LHX2: variants seen among roughly 807,000 people sequenced by gnomAD.
LHX2 encodes LIM homeobox 2.
Under a neutral mutation model 33.0 loss-of-function variants are expected in LHX2, and 6 were observed. The observed-to-expected ratio is 0.18, with a 90% CI of 0.10 to 0.36. The LOEUF is 0.36. Among genes scored for constraint, LHX2 ranks in the 10% least tolerant of loss-of-function variants. The pLI is 1.00. For missense variants in LHX2, 442 were observed against 586.2 expected (o/e 0.75, Z 2.54); for synonymous variants, 292 against 253.1 (o/e 1.15, Z -1.46).
At chr9:124,022,132 G>A (rs893414671) in intron 4 of LHX2, among the ~76,000 whole-genome samples, 5 of 152,182 alleles carry the variant, frequency 3.3e-5, no homozygotes, top group South Asian at 2.1e-4. Context: ...TGGCAGAGTC[G>A]TGGGCCACAT....
At chr9:124,025,493 C>A (rs1004421145) in intron 4 of LHX2, among the ~76,000 whole-genome samples, 1 of 151,076 alleles carries the variant, frequency 6.6e-6, no homozygotes, top group Non-Finnish European at 1.5e-5. Flanking sequence ...GCATGGAGAC[C>A]ATTTCTCACC....
chr9:124,023,021 C>T (rs960862826), intron 4 of LHX2, among the ~76,000 whole-genome samples: 2 of 152,242 alleles, frequency 1.3e-5, no homozygotes, highest in African/African-American at 4.8e-5. Flanking sequence ...CGTGACTACA[C>T]TGGCTGGGGT....
At position 124,015,260 on chromosome 9, in the gene LHX2, C is replaced by G; in HGVS notation, c.462C>G (p.Asp154Glu). 1.9e-6 allele frequency: 3 copies of G among 1,614,158 alleles called. No individual in the cohort carries two copies. Among genetic ancestry groups the G allele is most frequent in the Non-Finnish European group, 2.5e-6 (3 of 1,180,046 alleles). ...TTCNKMLTTG[D>E]HFGMKDSLVY... ...GTAACAAGATGCTGACCACGGGCGA[C>G]CACTTCGGCATGAAGGACAGCCTGG... is the stretch of plus-strand genomic sequence containing the variant. The change falls in exon 3 of 5, where the codon GAC becomes GAG. Residue 154 changes from aspartate to glutamate, a missense_variant. Physicochemically the swap from Asp to Glu is conservative, Grantham distance 45. Transcript: ENST00000373615. This position sits in a 1 kb window ranked among gnomAD's most constrained non-coding sequence, Gnocchi z 7.9.
At position 124,032,706 on chromosome 9, in the gene LHX2, A is replaced by G; in HGVS notation, c.1220A>G (p.Ter407=). Residue 407 remains the stop codon, a stop_retained_variant, in exon 5 of 5, where the codon TAA becomes TGA. Coordinates refer to ENST00000373615, the MANE Select transcript of LHX2 (RefSeq NM_004789.4). The surrounding 1 kb of genome is among the most constrained non-coding windows in gnomAD (Gnocchi z 4.1). ...CAAACGACTCTTACCAACCTTTTCT[A>G]ATGACTCGCAACCCCTCACCCCACA... is the stretch of plus-strand genomic sequence containing the variant. ...PSQTTLTNLF[*] 6.3e-7 allele frequency: 1 copy of G among 1,575,524 alleles called. No homozygotes were observed. Among genetic ancestry groups the G allele is most frequent in the Non-Finnish European group, 8.7e-7 (1 of 1,153,940 alleles).
Position 124,012,535 on chromosome 9 carries a change from T to C in LHX2, c.120+67T>C, listed in dbSNP as rs1201807154. On this transcript the variant is annotated intron_variant, in intron 1 of 4. Transcript: ENST00000373615. This position sits in a 1 kb window ranked among gnomAD's most constrained non-coding sequence, Gnocchi z 4.3. ...GGGCCGGGCCAGTCAGCGCCTCTGC[T>C]CCCCGAAGTTTGGGGAGCGTCCTTC... 7.1e-6 allele frequency: 10 copies of C among 1,404,612 alleles called. No individual in the cohort carries two copies. The African/African-American group carries it at 1.5e-4, about 21-fold the overall frequency. The allele number at this position is 1,404,612 out of a possible 1,614,324, so 87.0% of individuals were successfully genotyped here. A position where few individuals can be genotyped will look rare whatever the true frequency, so the allele number is the denominator to read the frequency against.
At chr9:124,018,925 C>T (rs919738235) in intron 3 of LHX2, among the ~76,000 whole-genome samples, 52 of 152,210 alleles carry the variant, frequency 3.4e-4, no homozygotes, top group African/African-American at 1.2e-3. Context: ...CCCTTGGGCC[C>T]ATGGGGGCGC....
intron 1 of LHX2, among the ~76,000 whole-genome samples, chr9:124,013,006 C>G (rs1859120282): frequency 6.6e-6 from 1 of 152,270 alleles, no homozygotes; most frequent in Non-Finnish European, 1.5e-5. Context: ...CTTGACTGGT[C>G]AGACTTAGCC....
intron 4 of LHX2, among the ~76,000 whole-genome samples, chr9:124,022,187 C>T (rs1859304745): frequency 6.6e-6 from 1 of 152,124 alleles, no homozygotes; most frequent in African/African-American, 2.4e-5. Flanking sequence ...GGGTCTTAGG[C>T]AAGTCACTTG....
intron 4 of LHX2, among the ~76,000 whole-genome samples, chr9:124,024,495 A>G (rs886603592): frequency 3.3e-5 from 5 of 152,226 alleles, no homozygotes; most frequent in Admixed American, 3.3e-4. Flanking sequence ...TGTCTGACTT[A>G]CCAGCAGTGA....
chr9:124,013,880 T>A (rs1859135823), intron 1 of LHX2, 81 bp from the exon 2 acceptor site: 2 of 1,330,276 alleles, frequency 1.5e-6, no homozygotes, highest in Non-Finnish European at 2.1e-6. Flanking sequence ...ACAGAGGGAG[T>A]TGTGGGTGCC....
chr9:124,017,907 C>G (rs1432372311), intron 3 of LHX2, among the ~76,000 whole-genome samples: 2 of 151,904 alleles, frequency 1.3e-5, no homozygotes, highest in Non-Finnish European at 1.5e-5. Flanking sequence ...GGGCTGCCAG[C>G]GGGCTGGGGG....
In LHX2 at chr9:124,014,169, C is replaced by G; in HGVS notation, c.323+6C>G. On this transcript the variant is annotated splice_donor_region_variant and intron_variant, in intron 2 of 4. Transcript: ENST00000373615. The surrounding 1 kb of genome is among the most constrained non-coding windows in gnomAD (Gnocchi z 4.8). ...TGCAAGGAAGACTACTACAGGTAGC[C>G]CCCCCACCCAACTGCCCCTCAGGAC... The G allele has an allele frequency of 7.3e-7, 1 of 1,373,820 alleles. No homozygotes were observed. Among genetic ancestry groups the G allele is most frequent in the East Asian group, 3.5e-5 (1 of 28,392 alleles). The allele number at this position is 1,373,820 out of a possible 1,614,324, so 85.1% of individuals were successfully genotyped here.
intron 1 of LHX2, among the ~76,000 whole-genome samples, chr9:124,013,174 G>A (rs1859123001): frequency 6.6e-6 from 1 of 152,244 alleles, no homozygotes; most frequent in South Asian, 2.1e-4. Context: ...CGACCAGCGG[G>A]CCCAGAAGTG....
intron 4 of LHX2, among the ~76,000 whole-genome samples, chr9:124,029,020 G>A (rs1588352615): frequency 2.6e-5 from 4 of 152,264 alleles, no homozygotes; most frequent in Admixed American, 2.6e-4. Flanking sequence ...TGAGGCAGGA[G>A]AGAATCACTT....
At chr9:124,018,409 G>C (rs1935173516) in intron 3 of LHX2, among the ~76,000 whole-genome samples, 1 of 152,012 alleles carries the variant, frequency 6.6e-6, no homozygotes, top group African/African-American at 2.4e-5. Flanking sequence ...TCGGGGCGCC[G>C]GCCAAACCTG....
chr9:124,013,895 T>A, intron 1 of LHX2, 66 bp from the exon 2 acceptor site: 1 of 1,497,436 alleles, frequency 6.7e-7, no homozygotes, highest in East Asian at 2.3e-5. Flanking sequence ...GGTGCCGGTT[T>A]CCCGGCGGCG....
intron 4 of LHX2, among the ~76,000 whole-genome samples, chr9:124,025,977 T>C (rs558133625): frequency 1.3e-5 from 2 of 152,186 alleles, no homozygotes; most frequent in East Asian, 3.9e-4. Context: ...AGAGCAAGAC[T>C]CTGTCTCCAA....
rs1369415936 is a variant in LHX2 at position 124,016,210 on chromosome 9, G to A, written c.727+685G>A. 6.6e-6 allele frequency among the ~76,000 whole-genome samples: 1 copy of A among 151,824 alleles called. No homozygotes were observed. The highest frequency in any genetic ancestry group is 2.4e-5 in the African/African-American group (1 of 41,332). ...CCCGGGCGGGGACGAGACCGGAGCAGGCCTGGCCTCGCGCCGGGGTGGGGT... is the reference window on the plus strand; with the variant it reads ...CCCGGGCGGGGACGAGACCGGAGCAAGCCTGGCCTCGCGCCGGGGTGGGGT... On this transcript the variant is annotated intron_variant, in intron 3 of 4. Transcript: ENST00000373615. This position sits in a 1 kb window ranked among gnomAD's most constrained non-coding sequence, Gnocchi z 4.4.
chr9:124,029,661 G>A (rs983165004), intron 4 of LHX2, among the ~76,000 whole-genome samples: 4 of 152,138 alleles, frequency 2.6e-5, no homozygotes, highest in Admixed American at 2.0e-4. Flanking sequence ...TTGGAGCCCC[G>A]GATGGATGAG....
Sources: allele counts gnomAD v4.1 joint callset (sites outside exome capture counted in the v4.1 genomes callset), GRCh38; gene constraint gnomAD v4.1.1; non-coding constraint Gnocchi (gnomAD v3.1); transcripts MANE v1.5; gene names NCBI Gene and HGNC (gene_info 2026-07-23, HGNC 2026-07-21).